CACNA2D3: variants seen among roughly 807,000 people sequenced by gnomAD.
CACNA2D3 encodes the protein voltage-dependent calcium channel subunit alpha-2/delta-3.
In CACNA2D3, 60 loss-of-function variants were observed where a neutral mutation model predicts 160.6. The ratio of observed to expected loss-of-function variants is 0.37; its 90% CI spans 0.30 to 0.46. CACNA2D3 has a LOEUF of 0.46. Among genes scored for constraint, CACNA2D3 ranks in the 20% least tolerant of loss-of-function variants. CACNA2D3 has a pLI of 1.00. For missense variants in CACNA2D3, 1,205 were observed against 1,365.0 expected (o/e 0.88, Z 1.85); for synonymous variants, 558 against 492.9 (o/e 1.13, Z -1.75).
chr3:54,215,167 A>G (rs1196760845), intron 2 of CACNA2D3, among the ~76,000 whole-genome samples: 1 of 152,144 alleles, frequency 6.6e-6, no homozygotes, highest in African/African-American at 2.4e-5. Flanking sequence ...TCCCCATTTT[A>G]TCTTCATTCA....
chr3:54,908,991 G>A (rs952822030), intron 27 of CACNA2D3, among the ~76,000 whole-genome samples: 1 of 152,176 alleles, frequency 6.6e-6, no homozygotes, highest in African/African-American at 2.4e-5. Flanking sequence ...AGGCTGATTT[G>A]TTCACTCACC....
chr3:54,987,625 C>A, intron 30 of CACNA2D3, 58 bp from the exon 31 acceptor site: 1 of 1,110,022 alleles, frequency 9.0e-7, no homozygotes, highest in Non-Finnish European at 1.3e-6. Context: ...TTCATTTCTT[C>A]TCTCCTGTTT....
At chr3:54,332,533 A>G (rs965154737) in intron 3 of CACNA2D3, among the ~76,000 whole-genome samples, 1 of 152,232 alleles carries the variant, frequency 6.6e-6, no homozygotes, top group African/African-American at 2.4e-5. Context: ...CAATGTGTAA[A>G]TCAAGTTCAG....
At chr3:54,185,878 C>T (rs1404495922) in intron 2 of CACNA2D3, among the ~76,000 whole-genome samples, 1 of 152,206 alleles carries the variant, frequency 6.6e-6, no homozygotes, top group Non-Finnish European at 1.5e-5. Flanking sequence ...GGAGGTAATG[C>T]ATACCTCCTC....
At chr3:55,000,360 C>A (rs546993279) in intron 31 of CACNA2D3, among the ~76,000 whole-genome samples, 1 of 151,986 alleles carries the variant, frequency 6.6e-6, no homozygotes, top group South Asian at 2.1e-4. Context: ...TTTGTAACCT[C>A]GTCAATGGCA....
At chr3:55,032,630 C>T (rs1703708103) in intron 35 of CACNA2D3, among the ~76,000 whole-genome samples, 1 of 152,086 alleles carries the variant, frequency 6.6e-6, no homozygotes, top group African/African-American at 2.4e-5. Flanking sequence ...ATTGGGCAAC[C>T]TTTGTCAGCA....
intron 35 of CACNA2D3, among the ~76,000 whole-genome samples, chr3:55,049,204 A>G (rs1303433219): frequency 1.3e-5 from 2 of 150,054 alleles, no homozygotes; most frequent in African/African-American, 5.0e-5. Flanking sequence ...TAGGGTGTCA[A>G]TTTTGGATCT....
intron 2 of CACNA2D3, among the ~76,000 whole-genome samples, chr3:54,225,982 G>T (rs868779685): frequency 6.6e-6 from 1 of 152,102 alleles, no homozygotes; most frequent in Admixed American, 6.6e-5. Flanking sequence ...ACAGGAGCCT[G>T]GGTGTCAGTC....
At chr3:54,991,029 A>G (rs1375648020) in intron 31 of CACNA2D3, among the ~76,000 whole-genome samples, 1 of 152,190 alleles carries the variant, frequency 6.6e-6, no homozygotes, top group Non-Finnish European at 1.5e-5. Context: ...TAGGTTCAGC[A>G]GCATGACAGT....
At chr3:54,921,035 ACT>A (rs1196448810) in intron 27 of CACNA2D3, among the ~76,000 whole-genome samples, 1 of 152,038 alleles carries the variant, frequency 6.6e-6, no homozygotes, top group Non-Finnish European at 1.5e-5. Flanking sequence ...TGCAACTCCC[ACT>A]CTCCACCATT....
chr3:54,422,193 G>T (rs564377828), intron 4 of CACNA2D3, among the ~76,000 whole-genome samples: 1 of 152,196 alleles, frequency 6.6e-6, no homozygotes, highest in Non-Finnish European at 1.5e-5. Flanking sequence ...GGTGGTTCTG[G>T]TCCCTGGGCT....
chr3:54,615,614 G>T (rs556712481), intron 9 of CACNA2D3, among the ~76,000 whole-genome samples: 1 of 152,184 alleles, frequency 6.6e-6, no homozygotes, highest in Non-Finnish European at 1.5e-5. Context: ...AAAGTGAAAC[G>T]TGGTTTGTTT....
chr3:54,379,189 CT>C (rs1313469968), intron 3 of CACNA2D3, among the ~76,000 whole-genome samples: 1 of 152,144 alleles, frequency 6.6e-6, no homozygotes, highest in Non-Finnish European at 1.5e-5. Flanking sequence ...TATAGATTAG[CT>C]TTTATAATCC....
chr3:54,702,792 G>T (rs1429547331), intron 11 of CACNA2D3, among the ~76,000 whole-genome samples: 1 of 152,004 alleles, frequency 6.6e-6, no homozygotes, highest in Non-Finnish European at 1.5e-5. Flanking sequence ...TTTCATGAGT[G>T]CTCCTTTTCA....
intron 35 of CACNA2D3, among the ~76,000 whole-genome samples, chr3:55,055,523 C>T (rs1704339150): frequency 2.0e-5 from 3 of 151,964 alleles, no homozygotes; most frequent in Admixed American, 6.6e-5. Context: ...ATGGCCTTGG[C>T]TGTTAGGGAC....
At chr3:54,378,171 C>T (rs1699041654) in intron 3 of CACNA2D3, among the ~76,000 whole-genome samples, 1 of 152,170 alleles carries the variant, frequency 6.6e-6, no homozygotes, top group Admixed American at 6.5e-5. Flanking sequence ...CGGTCCCCAA[C>T]CTTTTTGGCA....
intron 3 of CACNA2D3, among the ~76,000 whole-genome samples, chr3:54,323,339 C>T (rs1704048708): frequency 6.6e-6 from 1 of 152,132 alleles, no homozygotes; most frequent in African/African-American, 2.4e-5. Context: ...GCAGTGGAGT[C>T]ATTATTTGTA....
chr3:54,327,363 C>G (rs1704140228), intron 3 of CACNA2D3, among the ~76,000 whole-genome samples: 1 of 152,222 alleles, frequency 6.6e-6, no homozygotes, highest in Non-Finnish European at 1.5e-5. Context: ...AGTTTTCCAT[C>G]AGCCTCACAT....
intron 17 of CACNA2D3, among the ~76,000 whole-genome samples, chr3:54,859,819 G>A (rs1387388010): frequency 1.3e-5 from 2 of 152,030 alleles, no homozygotes; most frequent in Non-Finnish European, 2.9e-5. Flanking sequence ...GCAAGTCAAG[G>A]GGACATTTAC....
Sources: gnomAD v4.1 joint callset for allele counts (sites outside exome capture counted in the v4.1 genomes callset) on GRCh38, gnomAD v4.1.1 for gene constraint, MANE v1.5 for transcripts, NCBI Gene and HGNC (gene_info 2026-07-23, HGNC 2026-07-21) for gene names.